The following CDC42EP4 variants were observed in gnomAD, a reference collection of about 807,000 sequenced individuals.
CDC42EP4 encodes CDC42 effector protein (Rho GTPase binding) 4.
Under a neutral mutation model 5.6 loss-of-function variants are expected in CDC42EP4, and 6 were observed. The observed-to-expected ratio is 1.07, with a 90% CI of 0.59 to 2.12. The LOEUF (loss-of-function observed/expected upper bound fraction) is 2.12, where lower values mean the gene tolerates loss of function less well. Among genes scored for constraint, CDC42EP4 ranks in the 30% most tolerant of loss-of-function variants. The pLI is 0.00. For synonymous variants in CDC42EP4, 230 were observed against 224.2 expected (o/e 1.03, Z -0.23); for missense variants, 490 against 508.6 (o/e 0.96, Z 0.35).
In CDC42EP4 at chr17:73,301,682, G is replaced by A. The variant is rs2062219838; in HGVS notation, c.-113+10211C>T. ...GTGCTTCAGCCTCCCAAGTGGCAGG[G>A]GCTACAGGCACACGCCACCATGCCC... is the stretch of plus-strand genomic sequence containing the variant. On this transcript the variant is annotated intron_variant, in intron 1 of 1. Coordinates refer to ENST00000335793, the MANE Select transcript of CDC42EP4 (RefSeq NM_012121.5). 2.0e-5 allele frequency among the ~76,000 whole-genome samples: 3 copies of A among 151,366 alleles called. No individual in the cohort carries two copies. The South Asian group carries it at 6.3e-4, about 32-fold the overall frequency.
In CDC42EP4 at chr17:73,285,248, A is replaced by G. The variant is rs1178582287; in HGVS notation, c.*182T>C. 1.4e-5 allele frequency: 7 copies of G among 488,782 alleles called. No homozygotes were observed. Among genetic ancestry groups the G allele is most frequent in the Non-Finnish European group, 2.5e-5 (7 of 278,826 alleles). The allele number at this position is 488,782 out of a possible 1,614,324, so 30.3% of individuals were successfully genotyped here. A position where few individuals can be genotyped will look rare whatever the true frequency, so the allele number is the denominator to read the frequency against. On this transcript the variant is annotated 3_prime_UTR_variant, in exon 2 of 2. Transcript: ENST00000335793. This position sits in a 1 kb window ranked among gnomAD's most constrained non-coding sequence, Gnocchi z 6.8. ...CAGGCAGCCAGTCGGCACCCATGCCAGCCCCCTACGTCCTCCGAAGACCCG... is the reference window on the plus strand; with the variant it reads ...CAGGCAGCCAGTCGGCACCCATGCCGGCCCCCTACGTCCTCCGAAGACCCG...
Position 73,285,871 on chromosome 17 carries a change from G to A in CDC42EP4, c.630C>T (p.His210=). 1 of 1,614,124 alleles carries A rather than the reference G, an allele frequency of 6.2e-7. No homozygotes were observed. Among genetic ancestry groups the A allele is most frequent in the Non-Finnish European group, 8.5e-7 (1 of 1,180,030 alleles). The change falls in exon 2 of 2, where the codon CAC becomes CAT. Residue 210 remains histidine (H), a synonymous_variant. Coordinates refer to ENST00000335793, the MANE Select transcript of CDC42EP4 (RefSeq NM_012121.5). This position sits in a 1 kb window ranked among gnomAD's most constrained non-coding sequence, Gnocchi z 6.8. ...CCAGCATGGAGGGCCCCAGGTCGAT[G>A]TGGAAGGACATGATGGACTCCGCAT... ...LKHAESIMSF[H]IDLGPSMLGD...
At position 73,286,425 on chromosome 17, in the gene CDC42EP4, T is replaced by C; in HGVS notation, c.76A>G (p.Met26Val). Reference sequence around the variant, plus strand: ...AAGTCGCCCAGCGGGGCGCTGATCATCTCGGCCGTGAGGTCCGCTCGGGAA... The same window carrying C: ...AAGTCGCCCAGCGGGGCGCTGATCACCTCGGCCGTGAGGTCCGCTCGGGAA... ...RRSRADLTAEMISAPLGDFRH... is the reference protein window; with the variant it reads ...RRSRADLTAEVISAPLGDFRH... The change falls in exon 2 of 2, where the codon ATG (methionine) becomes GTG (valine). Residue 26 changes from methionine to valine, a missense_variant. Coordinates refer to ENST00000335793, the MANE Select transcript of CDC42EP4 (RefSeq NM_012121.5). This position sits in a 1 kb window ranked among gnomAD's most constrained non-coding sequence, Gnocchi z 7.7. The C allele has an allele frequency of 1.9e-6, 3 of 1,613,426 alleles. No individual in the cohort carries two copies. Among genetic ancestry groups the C allele is most frequent in the Non-Finnish European group, 2.5e-6 (3 of 1,179,672 alleles).
In CDC42EP4 at chr17:73,294,622, C is replaced by T. The variant is rs564238416; in HGVS notation, c.-112-8010G>A. On this transcript the variant is annotated intron_variant, in intron 1 of 1. Coordinates refer to ENST00000335793, the MANE Select transcript of CDC42EP4 (RefSeq NM_012121.5). ...AGTAGGGGGCATCACAGGACAAACACTGAATATGTAATTTGTGTATATACA... is the reference window on the plus strand; with the variant it reads ...AGTAGGGGGCATCACAGGACAAACATTGAATATGTAATTTGTGTATATACA... 2.0e-5 allele frequency among the ~76,000 whole-genome samples: 3 copies of T among 152,202 alleles called. No individual in the cohort carries two copies. The South Asian group carries it at 6.2e-4, about 32-fold the overall frequency.
rs547362762 is a variant in CDC42EP4 at position 73,297,001 on chromosome 17, A to AAAAAAAAAAAAAAAAAAAAC, written c.-112-10390_-112-10389insGTTTTTTTTTTTTTTTTTTT. ...GTCTCAAAAAAAAAAAAAAAAAAAA[A>AAAAAAAAAAAAAAAAAAAAC]AAATACACAAGGCCAAGCGCCGTGG... is the stretch of plus-strand genomic sequence containing the variant. On this transcript the variant is annotated intron_variant, in intron 1 of 1. Coordinates refer to ENST00000335793, the MANE Select transcript of CDC42EP4 (RefSeq NM_012121.5). Among the ~76,000 whole-genome samples, 14 of 61,772 alleles carry AAAAAAAAAAAAAAAAAAAAC rather than the reference A, an allele frequency of 2.3e-4. 2 individuals are homozygous for AAAAAAAAAAAAAAAAAAAAC. The highest frequency in any genetic ancestry group is 1.2e-3 in the East Asian group (3 of 2,458). The allele number at this position is 61,772 out of a possible 152,430, so 40.5% of individuals were successfully genotyped here.
At chr17:73,306,531 T>C (rs954661984) in intron 1 of CDC42EP4, among the ~76,000 whole-genome samples, 7 of 152,066 alleles carry the variant, frequency 4.6e-5, no homozygotes, top group African/African-American at 1.7e-4. Flanking sequence ...AAAACTTCAA[T>C]ATGATCAACC....
chr17:73,294,909 G>C (rs959078826), intron 1 of CDC42EP4, among the ~76,000 whole-genome samples: 1 of 151,992 alleles, frequency 6.6e-6, no homozygotes, highest in African/African-American at 2.4e-5. Context: ...CCCAGATTCA[G>C]GCAATTCTCC....
intron 1 of CDC42EP4, among the ~76,000 whole-genome samples, chr17:73,295,558 T>G (rs2062180303): frequency 6.6e-6 from 1 of 152,184 alleles, no homozygotes; most frequent in Admixed American, 6.5e-5. Flanking sequence ...GGGGTGGTCT[T>G]GCGGTACATG....
intron 1 of CDC42EP4, chr17:73,310,837 C>G (rs1016791538): frequency 6.5e-6 from 1 of 153,466 alleles, no homozygotes. Flanking sequence ...GCCTCAGCCC[C>G]GGCTCCCGCC....
chr17:73,311,034 A>G (rs2062272048), intron 1 of CDC42EP4: 2 of 152,170 alleles, frequency 1.3e-5, no homozygotes, highest in Admixed American at 6.5e-5. Context: ...CGATTAAATC[A>G]TTAACCGACC....
intron 1 of CDC42EP4, among the ~76,000 whole-genome samples, chr17:73,299,381 G>T (rs1224464202): frequency 1.2e-5 from 1 of 86,284 alleles, no homozygotes; most frequent in African/African-American, 5.0e-5. Context: ...AGTGAGCCGA[G>T]ATCATGCCAC....
intron 1 of CDC42EP4, among the ~76,000 whole-genome samples, chr17:73,290,258 A>G (rs573530538): frequency 1.3e-5 from 2 of 152,318 alleles, no homozygotes; most frequent in South Asian, 2.1e-4. Flanking sequence ...TGGGTCTTTG[A>G]GTCCAGAGCT....
At chr17:73,311,263 C>T (rs911313633) in intron 1 of CDC42EP4, 1 of 152,220 alleles carries the variant, frequency 6.6e-6, no homozygotes, top group African/African-American at 2.4e-5. Flanking sequence ...AAAGGAGGAC[C>T]ATTTGTTCCT....
Position 73,285,567 on chromosome 17 carries a change from T to C in CDC42EP4, c.934A>G (p.Ser312Gly). The C allele has an allele frequency of 6.2e-6, 10 of 1,612,046 alleles. No homozygotes were observed. The highest frequency in any genetic ancestry group is 8.5e-6 in the Non-Finnish European group (10 of 1,179,558). Residue 312 changes from serine to glycine, a missense_variant, in exon 2 of 2, where the codon AGC becomes GGC. Transcript: ENST00000335793. This position sits in a 1 kb window ranked among gnomAD's most constrained non-coding sequence, Gnocchi z 6.8. ...TCCTCCAGGATGCCTGAGGTGCAGC[T>C]GGAGAGGGAGCTGCTGTCCCGTGTG... The part of the protein sequence containing the change: ...HTTRDSSSLS[S>G]CTSGILEERS...
chr17:73,285,469 G>T lies in CDC42EP4; in HGVS notation c.1032C>A (p.Ser344=). 1 of 1,578,800 alleles carries T rather than the reference G, an allele frequency of 6.3e-7. No individual in the cohort carries two copies. Among genetic ancestry groups the T allele is most frequent in the South Asian group, 1.1e-5 (1 of 88,462 alleles). ...AVSRQPDKEF[S]FMDEEEEDEI... Reference sequence around the variant, plus strand: ...CATCCTCCTCCTCCTCATCCATGAAGGAGAACTCCTTGTCTGGCTGTCTTG... The same window carrying T: ...CATCCTCCTCCTCCTCATCCATGAATGAGAACTCCTTGTCTGGCTGTCTTG... Residue 344 remains serine, a synonymous_variant, in exon 2 of 2, where the codon TCC becomes TCA. Transcript: ENST00000335793. This position sits in a 1 kb window ranked among gnomAD's most constrained non-coding sequence, Gnocchi z 6.8.
At chr17:73,307,187 A>T (rs796408904) in intron 1 of CDC42EP4, 1 of 152,218 alleles carries the variant, frequency 6.6e-6, no homozygotes, top group Non-Finnish European at 1.5e-5. Flanking sequence ...GCTCACCTGA[A>T]TCCCAAAAGA....
At chr17:73,298,868 C>T (rs1293362941) in intron 1 of CDC42EP4, among the ~76,000 whole-genome samples, 6 of 152,162 alleles carry the variant, frequency 3.9e-5, no homozygotes, top group African/African-American at 1.4e-4. Flanking sequence ...AAAGCAAACT[C>T]GCAAGGAGGC....
In CDC42EP4 at chr17:73,286,850, G is replaced by A. The variant is rs2062137449; in HGVS notation, c.-112-238C>T. ...CAGTAGCCTCGGACACACTTTCCCTGAAACTTGAGAGAGACAGAACCTTTC... is the reference window on the plus strand; with the variant it reads ...CAGTAGCCTCGGACACACTTTCCCTAAAACTTGAGAGAGACAGAACCTTTC... On this transcript the variant is annotated intron_variant, in intron 1 of 1. Transcript: ENST00000335793. This position sits in a 1 kb window ranked among gnomAD's most constrained non-coding sequence, Gnocchi z 7.7. 8.7e-6 allele frequency: 2 copies of A among 231,132 alleles called. No homozygotes were observed. Among genetic ancestry groups the A allele is most frequent in the African/African-American group, 4.5e-5 (2 of 44,902 alleles). 14.3% of individuals were successfully genotyped at this position (231,132 alleles called of 1,614,324 possible). A position where few individuals can be genotyped will look rare whatever the true frequency, so the allele number is the denominator to read the frequency against.
chr17:73,293,381 A>G (rs186263293), intron 1 of CDC42EP4, among the ~76,000 whole-genome samples: 5 of 152,276 alleles, frequency 3.3e-5, no homozygotes, highest in Admixed American at 3.3e-4. Flanking sequence ...CATTTAGGCC[A>G]TGTTTTGGAG....
Sources: gnomAD v4.1 joint callset for allele counts (sites outside exome capture counted in the v4.1 genomes callset) on GRCh38, gnomAD v4.1.1 for gene constraint, Gnocchi (gnomAD v3.1) non-coding constraint, MANE v1.5 for transcripts, NCBI Gene and HGNC (gene_info 2026-07-23, HGNC 2026-07-21) for gene names.